HIVEP1: variants seen among roughly 807,000 people sequenced by gnomAD.
HIVEP1 encodes the protein zinc finger protein 40.
A neutral mutation model predicts 180.0 loss-of-function variants in HIVEP1; 36 were observed. That is an observed-to-expected ratio of 0.20 (90% confidence interval 0.15 to 0.26). The LOEUF is 0.26. Among genes scored for constraint, HIVEP1 ranks in the 10% least tolerant of loss-of-function variants. The pLI is 1.00. For missense variants in HIVEP1, 3,143 were observed against 3,268.7 expected, an observed-to-expected ratio of 0.96 and a Z score of 0.94; for synonymous variants, 1,239 against 1,239.0, an observed-to-expected ratio of 1.00 and a Z score of 0.00.
intron 2 of HIVEP1, among the ~76,000 whole-genome samples, chr6:12,062,491 A>G (rs929517430): frequency 6.6e-6 from 1 of 152,208 alleles, no homozygotes; most frequent in African/African-American, 2.4e-5. Context: ...AGTTACATCT[A>G]TTCAGCAAGG....
the HIVEP1 span, among the ~76,000 whole-genome samples, chr6:12,174,306 AAAAT>A: frequency 6.6e-6 from 1 of 152,240 alleles, no homozygotes; most frequent in African/African-American, 2.4e-5. Flanking sequence ...TATGAGGAGA[AAAAT>A]AATTTCTAAA....
chr6:12,085,811 T>G (rs958239054), intron 2 of HIVEP1, among the ~76,000 whole-genome samples: 1 of 152,142 alleles, frequency 6.6e-6, no homozygotes, highest in Non-Finnish European at 1.5e-5. Context: ...TATTTGAAGA[T>G]TATGTAATTT....
At chr6:12,020,794 TTTTCA>T (rs1160331691) in intron 2 of HIVEP1, among the ~76,000 whole-genome samples, 1 of 152,186 alleles carries the variant, frequency 6.6e-6, no homozygotes, top group Non-Finnish European at 1.5e-5. Context: ...GTGTAGCTGT[TTTTCA>T]TTTTTATTGG....
In HIVEP1 at chr6:12,120,617, A is replaced by G. The variant is rs768067643; in HGVS notation, c.822A>G (p.Gln274=). The G allele has an allele frequency of 1.4e-5, 23 of 1,614,074 alleles. No individual in the cohort carries two copies. The highest frequency in any genetic ancestry group is 1.9e-5 in the Non-Finnish European group (22 of 1,180,010). ...VHMSAAQKNE[Q]GAMQSASHLY... is the part of the protein sequence containing the mutation. The stretch of plus-strand genomic sequence containing the variant: ...TGTCTGCTGCTCAGAAGAATGAGCA[A>G]GGGGCAATGCAGTCAGCTTCTCATT... Residue 274 remains glutamine, a synonymous_variant, in exon 4 of 9, where the codon CAA becomes CAG. Transcript: ENST00000379388.
chr6:12,190,555 C>T, the HIVEP1 span, among the ~76,000 whole-genome samples: 1 of 152,126 alleles, frequency 6.6e-6, no homozygotes, highest in Non-Finnish European at 1.5e-5. Context: ...TTATCGGGCT[C>T]CCTCTCTTTC....
At chr6:12,042,377 G>A (rs1769827238) in intron 2 of HIVEP1, among the ~76,000 whole-genome samples, 1 of 118,452 alleles carries the variant, frequency 8.4e-6, no homozygotes, top group Non-Finnish European at 1.7e-5. Context: ...CACCGCACCC[G>A]GCCGCTTTTT....
At chr6:12,169,609 A>G (rs1157706461), downstream of HIVEP1, among the ~76,000 whole-genome samples, 4 of 152,228 alleles carry the variant, frequency 2.6e-5, no homozygotes, top group Non-Finnish European at 5.9e-5. Context: ...TTAAAAATGT[A>G]TGAGAGTTAA....
the HIVEP1 span, among the ~76,000 whole-genome samples, chr6:12,192,083 G>C: frequency 5.9e-5 from 9 of 152,252 alleles, no homozygotes; most frequent in Non-Finnish European, 2.9e-5. Flanking sequence ...CTTCTTAAGT[G>C]TACAAATTAA....
intron 2 of HIVEP1, among the ~76,000 whole-genome samples, chr6:12,065,263 T>C (rs566739313): frequency 1.3e-5 from 2 of 152,316 alleles, no homozygotes; most frequent in African/African-American, 4.8e-5. Context: ...GGAGAATAAC[T>C]ATGATAGATT....
Position 12,121,356 on chromosome 6 carries a change from A to G in HIVEP1, c.1561A>G (p.Arg521Gly). Residue 521 changes from arginine to glycine, a missense_variant, in exon 4 of 9, where the codon AGG becomes GGG. By Grantham distance (125) the Arg-to-Gly change is moderately radical (BLOSUM62 -2). Transcript: ENST00000379388. This position sits in a 1 kb window ranked among gnomAD's most constrained non-coding sequence, Gnocchi z 5.3. The part of the protein sequence containing the change: ...MELQPVHIIK[R>G]MSNAETLLKS... ...GCTGCAGCCTGTGCACATAATAAAG[A>G]GGATGTCAAATGCTGAAACTTTACT... 6.2e-7 allele frequency: 1 copy of G among 1,614,168 alleles called. No homozygotes were observed.
intron 2 of HIVEP1, among the ~76,000 whole-genome samples, chr6:12,042,111 C>T (rs1173277801): frequency 3.5e-4 from 47 of 135,878 alleles, no homozygotes; most frequent in African/African-American, 1.2e-3. Context: ...CTCGCTCTGT[C>T]GCCAAGGCGG....
chr6:12,158,563 G>A (rs1462548822), intron 7 of HIVEP1, among the ~76,000 whole-genome samples: 13 of 152,158 alleles, frequency 8.5e-5, no homozygotes, highest in Admixed American at 8.5e-4. Flanking sequence ...GGAGGAGGAT[G>A]GGGTGCTGTC....
At chr6:12,065,672 TGTGTGTGTGTGTGTGTGTGC>T (rs1403949050) in intron 2 of HIVEP1, among the ~76,000 whole-genome samples, 78 of 71,996 alleles carry the variant, frequency 1.1e-3, no homozygotes, top group African/African-American at 3.9e-3. Flanking sequence ...GTAGGTTTTG[TGTGTGTGTGTGTGTGTGTGC>T]GTGTGTGTGT....
At chr6:12,167,929 G>A (rs1404444118), downstream of HIVEP1, among the ~76,000 whole-genome samples, 3 of 98,042 alleles carry the variant, frequency 3.1e-5, no homozygotes, top group South Asian at 5.8e-4. Flanking sequence ...GTATATCTGC[G>A]TATATTATAT....
upstream of HIVEP1, chr6:12,008,814 G>T (rs1767132498): frequency 6.6e-6 from 1 of 152,100 alleles, no homozygotes; most frequent in Non-Finnish European, 1.5e-5. Context: ...CTGCTTTTTT[G>T]TTTTTAAAAT....
At chr6:12,051,626 C>T (rs1770548481) in intron 2 of HIVEP1, among the ~76,000 whole-genome samples, 3 of 151,550 alleles carry the variant, frequency 2.0e-5, no homozygotes, top group Admixed American at 2.0e-4. Flanking sequence ...TAAATAGATA[C>T]AGGTATCTTT....
chr6:12,137,214 AG>A (rs1758753491), intron 7 of HIVEP1, among the ~76,000 whole-genome samples: 1 of 152,226 alleles, frequency 6.6e-6, no homozygotes, highest in South Asian at 2.1e-4. Flanking sequence ...CCCACTGACT[AG>A]AAAAGGGACA....
At chr6:12,197,373 C>T in the HIVEP1 span, among the ~76,000 whole-genome samples, 186 of 152,034 alleles carry the variant, frequency 1.2e-3, no homozygotes, top group African/African-American at 4.0e-3. Flanking sequence ...GCCTGGCTAA[C>T]ATGGCGAAAC....
chr6:12,158,923 C>T (rs909876390), intron 7 of HIVEP1, among the ~76,000 whole-genome samples: 1 of 152,134 alleles, frequency 6.6e-6, no homozygotes, highest in Non-Finnish European at 1.5e-5. Flanking sequence ...GCGGACACTT[C>T]TTACCCCACC....
Sources: allele counts gnomAD v4.1 joint callset (sites outside exome capture counted in the v4.1 genomes callset), GRCh38; gene constraint gnomAD v4.1.1; non-coding constraint Gnocchi (gnomAD v3.1); transcripts MANE v1.5; gene names NCBI Gene and HGNC (gene_info 2026-07-23, HGNC 2026-07-21).